The following NEUROG2 variants were observed in gnomAD, a reference collection of about 807,000 sequenced individuals.
The protein encoded by NEUROG2 is neurogenin 2.
Under a neutral mutation model 2.8 loss-of-function variants are expected in NEUROG2, and 1 was observed. The observed-to-expected ratio is 0.36, with a 90% CI of 0.13 to 1.71. The LOEUF is 1.71. Ranked by LOEUF, NEUROG2 falls within the 40% of genes most tolerant of loss-of-function variation. The pLI is 0.34. For missense variants in NEUROG2, 397 were observed against 392.7 expected, an observed-to-expected ratio of 1.01 and a Z score of -0.09; for synonymous variants, 211 against 187.7, an observed-to-expected ratio of 1.12 and a Z score of -1.01.
chr4:112,515,601 C>G, intron 1 of NEUROG2, 125 bp from the exon 2 acceptor site: 1 of 767,820 alleles, frequency 1.3e-6, no homozygotes, highest in South Asian at 3.1e-5. Flanking sequence ...TGGCGCGGAG[C>G]AGGAAGGCGA....
chr4:112,514,882 G>C lies in NEUROG2; in HGVS notation c.594C>G (p.Ser198Arg). 1 of 1,601,292 alleles carries C rather than the reference G, an allele frequency of 6.2e-7. No homozygotes were observed. The highest frequency in any genetic ancestry group is 2.2e-5 in the East Asian group (1 of 44,620). Residue 198 changes from serine to arginine, a missense_variant, in exon 2 of 2, where the codon AGC becomes AGG. Transcript: ENST00000313341. ...TGTCTCCGCTGCTGCTCAGGGCGGC[G>C]CTGGCTCCTCCCGGGCTCAGCAACA... ...EAVLLSPGGA[S>R]AALSSSGDSP... is the part of the protein sequence containing the mutation.
Position 112,514,283 on chromosome 4 carries a change from C to A in NEUROG2, c.*374G>T, listed in dbSNP as rs1736374193. Reference sequence around the variant, plus strand: ...TTGCATTCCCCCTGTGAGATTCACACGAACTGCACCAAGTCCTTCGGCGTT... The same window carrying A: ...TTGCATTCCCCCTGTGAGATTCACAAGAACTGCACCAAGTCCTTCGGCGTT... On this transcript the variant is annotated 3_prime_UTR_variant, in exon 2 of 2. Transcript: ENST00000313341. 1 of 216,684 alleles carries A rather than the reference C, an allele frequency of 4.6e-6. No individual in the cohort carries two copies. The highest frequency in any genetic ancestry group is 9.0e-6 in the Non-Finnish European group (1 of 110,742). The allele number at this position is 216,684 out of a possible 1,614,324, so 13.4% of individuals were successfully genotyped here. A position where few individuals can be genotyped will look rare whatever the true frequency, so the allele number is the denominator to read the frequency against.
In NEUROG2 at chr4:112,514,673, G is replaced by C; in HGVS notation, c.803C>G (p.Ala268Gly). Residue 268 changes from alanine (A) to glycine (G), a missense_variant, in exon 2 of 2, where the codon GCC becomes GGC. Transcript: ENST00000313341. The stretch of plus-strand genomic sequence containing the variant: ...ATGGCAGCTCTAGATACAATCCCTG[G>C]CTATGGGGAGGTGAGGTGCATAGCG... ...KHRYAPHLPIARDCI is the reference protein window; with the variant it reads ...KHRYAPHLPIGRDCI The C allele has an allele frequency of 1.3e-6, 2 of 1,509,354 alleles. No individual in the cohort carries two copies. Among genetic ancestry groups the C allele is most frequent in the African/African-American group, 1.4e-5 (1 of 71,002 alleles). The allele number at this position is 1,509,354 out of a possible 1,614,324, so 93.5% of individuals were successfully genotyped here.
chr4:112,514,912 C>G lies in NEUROG2; in HGVS notation c.564G>C (p.Glu188Asp). 1.2e-6 allele frequency: 2 copies of G among 1,606,284 alleles called. No homozygotes were observed. The highest frequency in any genetic ancestry group is 1.7e-6 in the Non-Finnish European group (2 of 1,177,548). ...GGGLPGALFS[E>D]AVLLSPGGAS... ...CTCCTCCCGGGCTCAGCAACACTGC[C>G]TCGGAGAAGAGCGCCCCCGGCAGGC... The change falls in exon 2 of 2, where the codon GAG becomes GAC. Residue 188 changes from glutamate to aspartate, a missense_variant. Glu to Asp is a conservative substitution (Grantham distance 45). Transcript: ENST00000313341.
chr4:112,515,499 A>G, intron 1 of NEUROG2, 23 bp from the exon 2 acceptor site: 1 of 1,501,800 alleles, frequency 6.7e-7, no homozygotes. Context: ...GAAAGGGGAA[A>G]AAGGCAGTGA....
rs1347458249 is a variant in NEUROG2, at chr4:112,515,285, C to G, written c.191G>C (p.Arg64Pro). 6.0e-6 allele frequency: 9 copies of G among 1,491,870 alleles called. No individual in the cohort carries two copies. The highest frequency in any genetic ancestry group is 2.4e-5 in the Admixed American group (1 of 42,346). 92.4% of individuals were successfully genotyped at this position (1,491,870 alleles called of 1,614,324 possible). Residue 64 changes from arginine (R) to proline (P), a missense_variant, in exon 2 of 2, where the codon CGG becomes CCG. Transcript: ENST00000313341. ...QRGAEAGQGARGGVAAGAEGC... is the reference protein window; with the variant it reads ...QRGAEAGQGAPGGVAAGAEGC... ...CTCCGCACCCGCAGCCACGCCGCCC[C>G]GCGCCCCCTGCCCGGCCTCAGCCCC...
chr4:112,515,308 C>T lies in NEUROG2; in HGVS notation c.168G>A (p.Gly56=), dbSNP rs1736409306. 1 of 1,411,590 alleles carries T rather than the reference C, an allele frequency of 7.1e-7. No homozygotes were observed. Among genetic ancestry groups the T allele is most frequent in the African/African-American group, 1.5e-5 (1 of 66,968 alleles). The allele number at this position is 1,411,590 out of a possible 1,614,324, so 87.4% of individuals were successfully genotyped here. A position where few individuals can be genotyped will look rare whatever the true frequency, so the allele number is the denominator to read the frequency against. The change falls in exon 2 of 2, where the codon GGG becomes GGA. Residue 56 remains glycine, a synonymous_variant. Transcript: ENST00000313341. ...GASGGARRQR[G]AEAGQGARGG... ...CCCGCGCCCCCTGCCCGGCCTCAGCCCCGCGCTGCCGACGCGCCCCGCCTG... is the reference window on the plus strand; with the variant it reads ...CCCGCGCCCCCTGCCCGGCCTCAGCTCCGCGCTGCCGACGCGCCCCGCCTG...
chr4:112,515,722 T>G (rs2148786063), intron 1 of NEUROG2, 125 bp downstream of exon 1: 1 of 337,190 alleles, frequency 3.0e-6, no homozygotes, highest in Non-Finnish European at 5.4e-6. Context: ...CTGCGTTCCC[T>G]CCCCGAGAAG....
In NEUROG2 at chr4:112,515,191, G is replaced by T. The variant is rs769832338; in HGVS notation, c.285C>A (p.Ala95=). The T allele has an allele frequency of 5.6e-6, 9 of 1,611,590 alleles. No individual in the cohort carries two copies. Among genetic ancestry groups the T allele is most frequent in the Middle Eastern group, 1.7e-4 (1 of 6,060 alleles). Residue 95 remains alanine, a synonymous_variant, in exon 2 of 2, where the codon GCC becomes GCA. Coordinates refer to ENST00000313341, the MANE Select transcript of NEUROG2 (RefSeq NM_024019.4). ...CGGCCGTCTTGGCGCCTCGGGAGAC[G>T]GCCCGCGCCCGGGAAGGGCGCCGTT... ...DCKRRPSRAR[A]VSRGAKTAET... is the part of the protein sequence containing the mutation.
Position 112,515,400 on chromosome 4 carries a change from C to T in NEUROG2, c.76G>A (p.Ala26Thr). Residue 26 changes from alanine to threonine, a missense_variant, in exon 2 of 2, where the codon GCC becomes ACC. Transcript: ENST00000313341. ...GACAGCGGGGTCAGGGCCGCCAAGG[C>T]GGGGGAGGCCGATCCGAGCAGCACT... Reference protein sequence around the residue: ...VLVLLGSASPALAALTPLSSS... With the variant: ...VLVLLGSASPTLAALTPLSSS... The T allele has an allele frequency of 6.6e-7, 1 of 1,524,362 alleles. No individual in the cohort carries two copies. The highest frequency in any genetic ancestry group is 8.7e-7 in the Non-Finnish European group (1 of 1,146,720). 94.4% of individuals were successfully genotyped at this position (1,524,362 alleles called of 1,614,324 possible).
rs556017795 is a variant in NEUROG2, at chr4:112,514,400, C to T, written c.*257G>A. On this transcript the variant is annotated 3_prime_UTR_variant, in exon 2 of 2. Coordinates refer to ENST00000313341, the MANE Select transcript of NEUROG2 (RefSeq NM_024019.4). ...CCAGGGTCTTTTTCGTCTCAAGAAGCGCCCCCAAAACGCCACCCTTGGCTT... is the reference window on the plus strand; with the variant it reads ...CCAGGGTCTTTTTCGTCTCAAGAAGTGCCCCCAAAACGCCACCCTTGGCTT... 4.4e-5 allele frequency: 17 copies of T among 387,564 alleles called. No homozygotes were observed. In the Admixed American group the frequency reaches 7.6e-4, roughly 17 times the overall value. 24.0% of individuals were successfully genotyped at this position (387,564 alleles called of 1,614,324 possible).
rs1195084488 is a variant in NEUROG2, at chr4:112,515,039, G to A, written c.437C>T (p.Ala146Val). 1.2e-6 allele frequency: 2 copies of A among 1,613,992 alleles called. No homozygotes were observed. Among genetic ancestry groups the A allele is most frequent in the Non-Finnish European group, 1.7e-6 (2 of 1,179,916 alleles). The change falls in exon 2 of 2, where the codon GCC becomes GTC. Residue 146 changes from alanine to valine, a missense_variant. Physicochemically the swap from Ala to Val is moderately conservative, Grantham distance 64 (BLOSUM62 0). Coordinates refer to ENST00000313341, the MANE Select transcript of NEUROG2 (RefSeq NM_024019.4). Reference protein sequence around the residue: ...REVLPTFPEDAKLTKIETLRF... With the variant: ...REVLPTFPEDVKLTKIETLRF... ...CAGGGTCTCGATCTTGGTGAGCTTG[G>A]CGTCCTCGGGGAACGTGGGGAGCAC...
Position 112,514,637 on chromosome 4 carries a change from G to A in NEUROG2, c.*20C>T, listed in dbSNP as rs1334895023. On this transcript the variant is annotated 3_prime_UTR_variant, in exon 2 of 2. Transcript: ENST00000313341. The stretch of plus-strand genomic sequence containing the variant: ...AAGGGAACCCACTAAGGCCTGGCGT[G>A]GGTAGCAGAAATGGCAGCTCTAGAT... 1.3e-6 allele frequency: 2 copies of A among 1,492,312 alleles called. No individual in the cohort carries two copies. Among genetic ancestry groups the A allele is most frequent in the Admixed American group, 2.4e-5 (1 of 41,548 alleles). The allele number at this position is 1,492,312 out of a possible 1,614,324, so 92.4% of individuals were successfully genotyped here.
Position 112,514,930 on chromosome 4 carries a change from C to G in NEUROG2, c.546G>C (p.Pro182=), listed in dbSNP as rs762017088. The change falls in exon 2 of 2, where the codon CCG becomes CCC. Residue 182 remains proline (P), a synonymous_variant. Transcript: ENST00000313341. ...ACACTGCCTCGGAGAAGAGCGCCCC[C>G]GGCAGGCCCCCGCCGCCGCCCCCGC... ...DHCGGGGGGL[P]GALFSEAVLL... The G allele has an allele frequency of 5.0e-6, 8 of 1,608,558 alleles. No individual in the cohort carries two copies. The highest frequency in any genetic ancestry group is 6.8e-6 in the Non-Finnish European group (8 of 1,178,288).
rs1205608829 is a variant in NEUROG2, at chr4:112,514,365, T to G, written c.*292A>C. ...TGCAAACTCTTTAGATATGCCACCA[T>G]CATCTCTTCCCAGGGTCTTTTTCGT... is the stretch of plus-strand genomic sequence containing the variant. On this transcript the variant is annotated 3_prime_UTR_variant, in exon 2 of 2. Coordinates refer to ENST00000313341, the MANE Select transcript of NEUROG2 (RefSeq NM_024019.4). The G allele has an allele frequency of 2.9e-6, 1 of 349,480 alleles. No individual in the cohort carries two copies. The highest frequency in any genetic ancestry group is 5.1e-6 in the Non-Finnish European group (1 of 195,992). 21.6% of individuals were successfully genotyped at this position (349,480 alleles called of 1,614,324 possible).
At position 112,514,915 on chromosome 4, in the gene NEUROG2, G is replaced by A; in HGVS notation, c.561C>T (p.Ser187=). ...CTCCCGGGCTCAGCAACACTGCCTC[G>A]GAGAAGAGCGCCCCCGGCAGGCCCC... ...GGGGLPGALF[S]EAVLLSPGGA... The change falls in exon 2 of 2, where the codon TCC becomes TCT. Residue 187 remains serine (S), a synonymous_variant. Coordinates refer to ENST00000313341, the MANE Select transcript of NEUROG2 (RefSeq NM_024019.4). 6.2e-7 allele frequency: 1 copy of A among 1,606,204 alleles called. No individual in the cohort carries two copies. Among genetic ancestry groups the A allele is most frequent in the Non-Finnish European group, 8.5e-7 (1 of 1,177,508 alleles).
rs1405249632 is a variant in NEUROG2, at chr4:112,515,214, G to T, written c.262C>A (p.Arg88=). The change falls in exon 2 of 2, where the codon CGG becomes AGG. Residue 88 remains arginine, a synonymous_variant. Coordinates refer to ENST00000313341, the MANE Select transcript of NEUROG2 (RefSeq NM_024019.4). The part of the protein sequence containing the change: ...RLLGLVHDCK[R]RPSRARAVSR... ...ACGGCCCGCGCCCGGGAAGGGCGCCGTTTGCAATCGTGTACCAGACCCAGC... is the reference window on the plus strand; with the variant it reads ...ACGGCCCGCGCCCGGGAAGGGCGCCTTTTGCAATCGTGTACCAGACCCAGC... 5 of 1,606,502 alleles carry T rather than the reference G, an allele frequency of 3.1e-6. No individual in the cohort carries two copies. Among genetic ancestry groups the T allele is most frequent in the Non-Finnish European group, 4.2e-6 (5 of 1,179,470 alleles).
At position 112,515,195 on chromosome 4, in the gene NEUROG2, C is replaced by A; in HGVS notation, c.281G>T (p.Arg94Leu). Residue 94 changes from arginine (R) to leucine (L), a missense_variant, in exon 2 of 2, where the codon CGG (arginine) becomes CTG (leucine). By Grantham distance (102) the Arg-to-Leu change is moderately radical. Transcript: ENST00000313341. ...CGTCTTGGCGCCTCGGGAGACGGCC[C>A]GCGCCCGGGAAGGGCGCCGTTTGCA... is the stretch of plus-strand genomic sequence containing the variant. ...HDCKRRPSRA[R>L]AVSRGAKTAE... 1.2e-6 allele frequency: 2 copies of A among 1,611,106 alleles called. No homozygotes were observed. The highest frequency in any genetic ancestry group is 1.1e-5 in the South Asian group (1 of 91,062).
At position 112,515,450 on chromosome 4, in the gene NEUROG2, T is replaced by G; in HGVS notation, c.26A>C (p.Glu9Ala). The G allele has an allele frequency of 6.6e-7, 1 of 1,525,330 alleles. No homozygotes were observed. The highest frequency in any genetic ancestry group is 1.4e-5 in the African/African-American group (1 of 69,556). 94.5% of individuals were successfully genotyped at this position (1,525,330 alleles called of 1,614,324 possible). MFVKSETL[E>A]LKEEEDVLVL... ...TAACACGTCCTCTTCCTCCTTCAAC[T>G]CCAAGGTCTCGGATTTGACGAACAT... The change falls in exon 2 of 2, where the codon GAG (glutamate) becomes GCG (alanine). Residue 9 changes from glutamate to alanine, a missense_variant. Physicochemically the swap from Glu to Ala is moderately radical, Grantham distance 107 (BLOSUM62 -1). Transcript: ENST00000313341.
Sources: gnomAD v4.1 joint callset for allele counts on GRCh38, gnomAD v4.1.1 for gene constraint, MANE v1.5 for transcripts, NCBI Gene and HGNC (gene_info 2026-07-23, HGNC 2026-07-21) for gene names.